SH2D4B: variants seen among roughly 807,000 people sequenced by gnomAD.
The protein encoded by SH2D4B is SH2 domain containing 4B, also known as SH2 domain-containing protein 4B.
A neutral mutation model predicts 61.5 loss-of-function variants in SH2D4B; 45 were observed. The observed-to-expected ratio is 0.73, with a 90% CI of 0.58 to 0.94. The LOEUF (loss-of-function observed/expected upper bound fraction) is 0.94, where lower values mean the gene tolerates loss of function less well. SH2D4B is among the 40% of genes least tolerant of loss of function. The pLI, the probability that SH2D4B is intolerant of heterozygous loss-of-function variation, is 0.00. For synonymous variants in SH2D4B, 224 were observed against 220.4 expected (o/e 1.02, Z -0.14); for missense variants, 572 against 574.2 (o/e 1.00, Z 0.04).
intron 3 of SH2D4B, among the ~76,000 whole-genome samples, chr10:80,572,972 ATATATATATATATATTTTTTTTTTT>A (rs1320959745): frequency 1.1e-4 from 1 of 9,276 alleles, no homozygotes; most frequent in African/African-American, 2.9e-4. Flanking sequence ...ATATATATAT[ATATATATATATATATTTTTTTTTTT>A]TTTTTTTTTT....
At chr10:80,586,569 C>A (rs1206017263) in intron 3 of SH2D4B, among the ~76,000 whole-genome samples, 2 of 152,094 alleles carry the variant, frequency 1.3e-5, no homozygotes, top group Admixed American at 1.3e-4. Context: ...ACGTGGAGAA[C>A]CTTTGTGTCT....
chr10:80,599,380 G>T (rs1842419531), intron 4 of SH2D4B, among the ~76,000 whole-genome samples: 2 of 152,096 alleles, frequency 1.3e-5, no homozygotes, highest in African/African-American at 4.8e-5. Context: ...TGAACTCTAG[G>T]TGCCACATAT....
At chr10:80,566,002 G>A (rs1426765120) in intron 1 of SH2D4B, among the ~76,000 whole-genome samples, 5 of 141,444 alleles carry the variant, frequency 3.5e-5, no homozygotes, top group African/African-American at 7.7e-5. Flanking sequence ...GAGGCAGGAA[G>A]ATGGCGTGAA....
At chr10:80,601,098 T>C (rs190784881) in intron 4 of SH2D4B, among the ~76,000 whole-genome samples, 208 of 152,300 alleles carry the variant, frequency 1.4e-3, no homozygotes, top group African/African-American at 4.8e-3. Context: ...GGCCCTTCCT[T>C]GAGGAACACA....
intron 3 of SH2D4B, 28 bp downstream of exon 3, chr10:80,571,606 G>A (rs1241510828): frequency 6.2e-7 from 1 of 1,611,134 alleles, no homozygotes; most frequent in Non-Finnish European, 8.5e-7. Context: ...GCCCCTGCGT[G>A]CGGCCACCTA....
At chr10:80,624,022 C>G (rs991777263) in intron 6 of SH2D4B, among the ~76,000 whole-genome samples, 1 of 152,054 alleles carries the variant, frequency 6.6e-6, no homozygotes, top group Non-Finnish European at 1.5e-5. Flanking sequence ...TGATGGCTCT[C>G]GGAAGGCTGA....
chr10:80,609,611 G>T, intron 6 of SH2D4B, 60 bp downstream of exon 6: 3 of 1,610,254 alleles, frequency 1.9e-6, no homozygotes, highest in Non-Finnish European at 2.5e-6. Context: ...CTCTCTCTGG[G>T]GTTGGGGAGG....
intron 6 of SH2D4B, among the ~76,000 whole-genome samples, chr10:80,633,703 T>G (rs929124260): frequency 1.3e-5 from 2 of 152,242 alleles, no homozygotes; most frequent in Non-Finnish European, 2.9e-5. Flanking sequence ...TGCAAGTCCT[T>G]AGAAAGTTTT....
chr10:80,540,472 T>G (rs996886580), intron 1 of SH2D4B, among the ~76,000 whole-genome samples: 26 of 152,062 alleles, frequency 1.7e-4, no homozygotes, highest in African/African-American at 6.0e-4. Flanking sequence ...CCCGTGTCCC[T>G]GCGGGGTGGC....
At chr10:80,567,815 A>G (rs1190988692) in intron 1 of SH2D4B, among the ~76,000 whole-genome samples, 9 of 152,162 alleles carry the variant, frequency 5.9e-5, no homozygotes, top group Non-Finnish European at 1.3e-4. Flanking sequence ...CACCCTCTAG[A>G]CCAGTGTAGC....
chr10:80,553,849 C>A (rs1455948908), intron 1 of SH2D4B, among the ~76,000 whole-genome samples: 1 of 152,210 alleles, frequency 6.6e-6, no homozygotes, highest in Non-Finnish European at 1.5e-5. Flanking sequence ...GCATGTATGA[C>A]AGTAAGAGTG....
At chr10:80,600,180 C>T (rs890795194) in intron 4 of SH2D4B, among the ~76,000 whole-genome samples, 2 of 152,184 alleles carry the variant, frequency 1.3e-5, no homozygotes, top group African/African-American at 4.8e-5. Context: ...CAAGATCACA[C>T]GGAGCAGAAT....
chr10:80,579,817 CT>C (rs1450437158), intron 3 of SH2D4B, among the ~76,000 whole-genome samples: 2 of 152,086 alleles, frequency 1.3e-5, no homozygotes, highest in Admixed American at 1.3e-4. Context: ...AAATTTTCTA[CT>C]TCTCAATTTT....
chr10:80,640,583 C>G (rs1840274455), intron 7 of SH2D4B, among the ~76,000 whole-genome samples: 1 of 152,172 alleles, frequency 6.6e-6, no homozygotes, highest in South Asian at 2.1e-4. Flanking sequence ...ATCAAATTGG[C>G]TATTGAAGCT....
intron 7 of SH2D4B, among the ~76,000 whole-genome samples, chr10:80,637,782 T>C (rs1369225976): frequency 1.3e-5 from 2 of 152,234 alleles, no homozygotes; most frequent in Non-Finnish European, 2.9e-5. Flanking sequence ...TTTATTTCTT[T>C]CTCCTGCCTG....
intron 6 of SH2D4B, among the ~76,000 whole-genome samples, chr10:80,623,351 T>C (rs1249550748): frequency 2.0e-5 from 3 of 152,394 alleles, no homozygotes; most frequent in East Asian, 3.9e-4. Flanking sequence ...CCTTGAATGC[T>C]GTGTTCCCTC....
chr10:80,608,969 G>C (rs919318514), intron 5 of SH2D4B, among the ~76,000 whole-genome samples: 1 of 152,156 alleles, frequency 6.6e-6, no homozygotes, highest in African/African-American at 2.4e-5. Context: ...TTCTGAGAGA[G>C]AGAAGGGGAT....
chr10:80,615,078 T>C (rs543511918), intron 6 of SH2D4B, among the ~76,000 whole-genome samples: 52 of 152,192 alleles, frequency 3.4e-4, no homozygotes, highest in Admixed American at 3.3e-3. Flanking sequence ...GGGAATGGAG[T>C]TGGGGCTTGG....
At chr10:80,601,599 G>C (rs997183591) in intron 4 of SH2D4B, among the ~76,000 whole-genome samples, 1 of 152,212 alleles carries the variant, frequency 6.6e-6, no homozygotes, top group Non-Finnish European at 1.5e-5. Flanking sequence ...TGCCCTCGTG[G>C]AGTTCACAGC....
Sources: allele counts gnomAD v4.1 joint callset (sites outside exome capture counted in the v4.1 genomes callset), GRCh38; gene constraint gnomAD v4.1.1; transcripts MANE v1.5; gene names NCBI Gene and HGNC (gene_info 2026-07-23, HGNC 2026-07-21).